PPP2R2D: variants seen among roughly 807,000 people sequenced by gnomAD.
PPP2R2D encodes the protein protein phosphatase 2 regulatory subunit Bdelta.
PPP2R2D carries 9 observed loss-of-function variants against 31.1 expected under a neutral mutation model. The observed-to-expected ratio is 0.29, with a 90% CI of 0.17 to 0.51. The LOEUF is 0.51. Ranked by LOEUF, PPP2R2D falls within the 20% of genes least tolerant of loss-of-function variation. The pLI, the probability that PPP2R2D is intolerant of heterozygous loss-of-function variation, is 0.98. For missense variants in PPP2R2D, 391 were observed against 465.6 expected, an observed-to-expected ratio of 0.84 and a Z score of 1.48; for synonymous variants, 179 against 172.6, an observed-to-expected ratio of 1.04 and a Z score of -0.29.
downstream of PPP2R2D, among the ~76,000 whole-genome samples, chr10:131,964,611 T>G (rs2036956708): frequency 6.6e-6 from 1 of 151,640 alleles, no homozygotes. Flanking sequence ...AATATGCCTG[T>G]GGTTTCAGGA....
At chr10:131,917,007 ACAGTGTAGGGACCTCACG>A (rs1554893223) in intron 2 of PPP2R2D, among the ~76,000 whole-genome samples, 34 of 124,402 alleles carry the variant, frequency 2.7e-4, no homozygotes, top group African/African-American at 9.4e-4. Flanking sequence ...GTGGAATGAC[ACAGTGTAGGGACCTCACG>A]TGGGTGGAAT....
chr10:131,931,726 C>G (rs114480279), intron 2 of PPP2R2D, among the ~76,000 whole-genome samples: 1,575 of 152,346 alleles, frequency 0.01, 25 homozygotes, highest in African/African-American at 0.036. Flanking sequence ...TGTAGCGAGG[C>G]TGCTGTTTCT....
intron 2 of PPP2R2D, among the ~76,000 whole-genome samples, chr10:131,907,837 A>G (rs2035622525): frequency 6.6e-6 from 1 of 152,074 alleles, no homozygotes; most frequent in Non-Finnish European, 1.5e-5. Flanking sequence ...TACATCGTGA[A>G]GTTAAGTTTA....
At position 131,959,008 on chromosome 10, in the gene PPP2R2D, T is replaced by C. The variant is rs1321069234; in HGVS notation, c.*3045T>C. 1.4e-5 allele frequency: 2 copies of C among 139,370 alleles called. No individual in the cohort carries two copies. The highest frequency in any genetic ancestry group is 7.0e-5 in the African/African-American group (2 of 28,488). 8.6% of individuals were successfully genotyped at this position (139,370 alleles called of 1,614,324 possible). Reference sequence around the variant, plus strand: ...ATCCCACTGTGGAGATGAAGGCGTGTGCTGATCCCCCATCCCCCTGTGGAG... The same window carrying C: ...ATCCCACTGTGGAGATGAAGGCGTGCGCTGATCCCCCATCCCCCTGTGGAG... On this transcript the variant is annotated 3_prime_UTR_variant, in exon 9 of 9. Transcript: ENST00000455566.
chr10:131,903,459 T>C, intron 2 of PPP2R2D, among the ~76,000 whole-genome samples: 1 of 93,762 alleles, frequency 1.1e-5, no homozygotes, highest in Non-Finnish European at 2.0e-5. Context: ...AGAACAAGGC[T>C]CCATCTCAAA....
chr10:131,906,298 T>G (rs1442299448), intron 2 of PPP2R2D, among the ~76,000 whole-genome samples: 2 of 152,254 alleles, frequency 1.3e-5, no homozygotes, highest in Admixed American at 6.5e-5. Context: ...GCTGGTTCCT[T>G]TCTTCTCAGA....
chr10:131,946,987 A>G (rs1263222840), intron 7 of PPP2R2D, among the ~76,000 whole-genome samples: 1 of 152,160 alleles, frequency 6.6e-6, no homozygotes, highest in Non-Finnish European at 1.5e-5. Flanking sequence ...TTGCCAGTCA[A>G]GGTGGTCACT....
At chr10:131,937,419 G>C (rs1329986778) in intron 3 of PPP2R2D, among the ~76,000 whole-genome samples, 1 of 152,212 alleles carries the variant, frequency 6.6e-6, no homozygotes, top group East Asian at 1.9e-4. Context: ...AAAAAGAGAA[G>C]GTGCTCGCTT....
rs1187442353 is a variant in PPP2R2D at position 131,920,428 on chromosome 10, GAC to G, written c.101-14026_101-14025del. Among the ~76,000 whole-genome samples the G allele has an allele frequency of 2.7e-5, 4 of 150,776 alleles. No homozygotes were observed. The South Asian group carries it at 6.3e-4, about 24-fold the overall frequency. ...TGTAGGGACCTCACGCGGGTGGAAT[GAC>G]ACAGTGTTTGTGGGGACCTCACGTG... On this transcript the variant is annotated intron_variant, in intron 2 of 8. Transcript: ENST00000455566.
downstream of PPP2R2D, among the ~76,000 whole-genome samples, chr10:131,960,965 C>T (rs890884282): frequency 2.0e-4 from 31 of 152,228 alleles, no homozygotes; most frequent in South Asian, 1.9e-3. Flanking sequence ...CTGAGTGGGG[C>T]TGTAGCCGCA....
chr10:131,920,306 G>C (rs2035954252), intron 2 of PPP2R2D, among the ~76,000 whole-genome samples: 1 of 146,118 alleles, frequency 6.8e-6, no homozygotes, highest in South Asian at 2.2e-4. Flanking sequence ...GAATGACACA[G>C]TGTAGGGACC....
intron 2 of PPP2R2D, among the ~76,000 whole-genome samples, chr10:131,922,189 C>T (rs1264644245): frequency 1.3e-5 from 2 of 152,120 alleles, no homozygotes; most frequent in Non-Finnish European, 2.9e-5. Context: ...GAGTAAAACA[C>T]AATAAAAGAT....
At chr10:131,942,299 T>G (rs1554897350) in intron 5 of PPP2R2D, among the ~76,000 whole-genome samples, 1 of 152,242 alleles carries the variant, frequency 6.6e-6, no homozygotes, top group African/African-American at 2.4e-5. Context: ...AGGCTGCTTT[T>G]GTAGGTTTAG....
rs1554898224 is a variant in PPP2R2D at position 131,947,759 on chromosome 10, C to G, written c.1050C>G (p.Asp350Glu). Residue 350 changes from aspartate (D) to glutamate (E), a missense_variant, in exon 8 of 9, where the codon GAC (aspartate) becomes GAG (glutamate). Around this residue, in one of 3 missense-constraint regions of PPP2R2D, gnomAD observed 163 missense variants for 179.5 expected, o/e 0.91. Transcript: ENST00000455566. The surrounding 1 kb of genome is among the most constrained non-coding windows in gnomAD (Gnocchi z 4.3). ...TCTATGAGAACGACTGCATCTTTGA[C>G]AAGTTTGAGTGTTGCTGGAACGGTT... ...CSLYENDCIF[D>E]KFECCWNGSD... is the part of the protein sequence containing the mutation. 1 of 1,614,150 alleles carries G rather than the reference C, an allele frequency of 6.2e-7. No homozygotes were observed. Among genetic ancestry groups the G allele is most frequent in the East Asian group, 2.2e-5 (1 of 44,874 alleles).
chr10:131,949,222 G>A (rs370468903), intron 8 of PPP2R2D, among the ~76,000 whole-genome samples: 6 of 152,200 alleles, frequency 3.9e-5, no homozygotes, highest in African/African-American at 1.4e-4. Flanking sequence ...GTTCCCCACG[G>A]GTGGACACTT....
chr10:131,903,282 C>T (rs1161749779), intron 2 of PPP2R2D, among the ~76,000 whole-genome samples: 2 of 151,764 alleles, frequency 1.3e-5, no homozygotes, highest in East Asian at 3.9e-4. Context: ...GCCTGGCCAA[C>T]ACAGTGAAAC....
chr10:131,947,836 T>G lies in PPP2R2D; in HGVS notation c.1082+45T>G, dbSNP rs782014712. 2.5e-6 allele frequency: 4 copies of G among 1,596,764 alleles called. No homozygotes were observed. Among genetic ancestry groups the G allele is most frequent in the Non-Finnish European group, 3.4e-6 (4 of 1,167,884 alleles). On this transcript the variant is annotated intron_variant, in intron 8 of 8. Transcript: ENST00000455566. This position sits in a 1 kb window ranked among gnomAD's most constrained non-coding sequence, Gnocchi z 4.3. ...GAGCTGTCGCCCCAAGCTTGCTGGT[T>G]TCCGAGAGTGCAAGGTCAGTGAGGG...
At chr10:131,963,114 G>A (rs1159094942), downstream of PPP2R2D, among the ~76,000 whole-genome samples, 6 of 152,158 alleles carry the variant, frequency 3.9e-5, no homozygotes, top group Admixed American at 2.6e-4. Context: ...GCAGTGAGCC[G>A]AGATTGTGTC....
rs920051016 is a variant in PPP2R2D at position 131,909,032 on chromosome 10, T to A, written c.100+7702T>A. On this transcript the variant is annotated intron_variant, in intron 2 of 8. Coordinates refer to ENST00000455566, the MANE Select transcript of PPP2R2D (RefSeq NM_018461.5). ...GCTGGACCAGAGCACACTGAGGCAA[T>A]GTGAAGAAGTACCCAGTACACAGAC... Among the ~76,000 whole-genome samples, 1,039 of 152,058 alleles carry A rather than the reference T, an allele frequency of 6.8e-3. 11 individuals carry two copies. Among genetic ancestry groups the A allele is most frequent in the African/African-American group, 0.024 (1,004 of 41,480 alleles).
Sources: allele counts gnomAD v4.1 joint callset (sites outside exome capture counted in the v4.1 genomes callset), GRCh38; gene constraint gnomAD v4.1.1; regional missense constraint gnomAD v4.1.1; non-coding constraint Gnocchi (gnomAD v3.1); transcripts MANE v1.5; gene names NCBI Gene and HGNC (gene_info 2026-07-23, HGNC 2026-07-21).